CDH13: variants seen among roughly 807,000 people sequenced by gnomAD.
CDH13 encodes the protein cadherin 13, also known as cadherin-13.
A neutral mutation model predicts 63.8 loss-of-function variants in CDH13; 24 were observed. The ratio of observed to expected loss-of-function variants is 0.38; its 90% confidence interval spans 0.27 to 0.53. CDH13 has a LOEUF of 0.53. Among genes scored for constraint, CDH13 ranks in the 20% least tolerant of loss-of-function variants. The pLI, the probability that CDH13 is intolerant of heterozygous loss-of-function variation, is 0.85. For missense variants in CDH13, 1,049 were observed against 903.1 expected, an observed-to-expected ratio of 1.16 and a Z score of -2.07; for synonymous variants, 503 against 355.3, an observed-to-expected ratio of 1.42 and a Z score of -4.67.
chr16:82,794,514 A>C (rs2036485470), intron 1 of CDH13, among the ~76,000 whole-genome samples: 1 of 151,728 alleles, frequency 6.6e-6, no homozygotes. Flanking sequence ...GGAATAGCTG[A>C]TAAATAACAT....
At chr16:83,078,752 C>T (rs2033027794) in intron 3 of CDH13, among the ~76,000 whole-genome samples, 1 of 152,152 alleles carries the variant, frequency 6.6e-6, no homozygotes, top group Non-Finnish European at 1.5e-5. Flanking sequence ...CAAATTCTTC[C>T]AAGTGTTTAG....
chr16:83,444,647 C>T (rs1315717495), intron 6 of CDH13, among the ~76,000 whole-genome samples: 1 of 152,102 alleles, frequency 6.6e-6, no homozygotes, highest in Non-Finnish European at 1.5e-5. Context: ...CATGTCCCTC[C>T]GGTGATGCTG....
intron 4 of CDH13, among the ~76,000 whole-genome samples, chr16:83,162,916 C>T (rs1340482138): frequency 6.6e-6 from 1 of 152,088 alleles, no homozygotes; most frequent in African/African-American, 2.4e-5. Context: ...CCAAGTCTAG[C>T]ACACTCATTG....
At chr16:83,077,765 G>C (rs1037056946) in intron 3 of CDH13, among the ~76,000 whole-genome samples, 4 of 152,168 alleles carry the variant, frequency 2.6e-5, no homozygotes, top group African/African-American at 9.6e-5. Flanking sequence ...GACTCATATT[G>C]AGTGTTATCA....
At chr16:82,952,027 G>A (rs1396935158) in intron 2 of CDH13, among the ~76,000 whole-genome samples, 1 of 152,206 alleles carries the variant, frequency 6.6e-6, no homozygotes, top group African/African-American at 2.4e-5. Context: ...GGAACATTGT[G>A]TTGTGCTGGG....
At chr16:83,225,354 A>G (rs1246777142) in intron 5 of CDH13, among the ~76,000 whole-genome samples, 2 of 152,116 alleles carry the variant, frequency 1.3e-5, no homozygotes, top group East Asian at 3.9e-4. Flanking sequence ...AGCCCTCTCC[A>G]TCCAATTCCA....
intron 13 of CDH13, among the ~76,000 whole-genome samples, chr16:83,783,983 A>G (rs561308991): frequency 2.0e-5 from 3 of 152,362 alleles, no homozygotes; most frequent in Admixed American, 2.0e-4. Context: ...CTATAATATC[A>G]TGAAACATTG....
intron 5 of CDH13, among the ~76,000 whole-genome samples, chr16:83,285,032 C>A (rs566579296): frequency 6.6e-6 from 1 of 152,168 alleles, no homozygotes; most frequent in South Asian, 2.1e-4. Flanking sequence ...ACCTTTTCTG[C>A]ACCCAGTTAT....
At chr16:83,223,760 C>T (rs966462822) in intron 5 of CDH13, among the ~76,000 whole-genome samples, 4 of 152,208 alleles carry the variant, frequency 2.6e-5, no homozygotes, top group African/African-American at 7.2e-5. Flanking sequence ...TTTTCCAGCT[C>T]CCTGGTACAG....
rs186225539 is a variant in CDH13, at chr16:83,014,168, G to T, written c.158-17842G>T. Among the ~76,000 whole-genome samples the T allele has an allele frequency of 3.2e-4, 48 of 151,962 alleles. 1 individual carries two copies. The East Asian group carries it at 4.8e-3, about 15-fold the overall frequency. ...CACAAAAAAAGGAAATAGAATTGCC[G>T]ATATTATAAAACAATCTCTAACCTT... On this transcript the variant is annotated intron_variant, in intron 2 of 13. Coordinates refer to ENST00000567109, the MANE Select transcript of CDH13 (RefSeq NM_001257.5).
chr16:83,171,042 A>G (rs980141518), intron 4 of CDH13, among the ~76,000 whole-genome samples: 4 of 152,072 alleles, frequency 2.6e-5, no homozygotes, highest in African/African-American at 9.7e-5. Flanking sequence ...ACATGGCTAT[A>G]AAGAAATACC....
chr16:83,231,938 G>C (rs1032430903), intron 5 of CDH13, among the ~76,000 whole-genome samples: 6 of 152,120 alleles, frequency 3.9e-5, no homozygotes, highest in Admixed American at 2.0e-4. Context: ...CATGAGATCA[G>C]GATGTTTATA....
Position 83,473,530 on chromosome 16 carries a change from G to A in CDH13, c.782-12947G>A, listed in dbSNP as rs552475546. Among the ~76,000 whole-genome samples the A allele has an allele frequency of 3.3e-5, 5 of 152,240 alleles. No individual in the cohort carries two copies. The East Asian group carries it at 5.8e-4, about 18-fold the overall frequency. ...TTCAGCCAGGTCACTTACCTAACAG[G>A]TGTGGTTCTGGAGTCATCGATCATC... On this transcript the variant is annotated intron_variant, in intron 6 of 13. Transcript: ENST00000567109.
At chr16:83,587,190 T>G (rs1906248633) in intron 7 of CDH13, among the ~76,000 whole-genome samples, 1 of 152,180 alleles carries the variant, frequency 6.6e-6, no homozygotes, top group Non-Finnish European at 1.5e-5. Context: ...AGATCACATC[T>G]GAATGGGAAC....
chr16:83,410,189 A>G (rs929017454), intron 6 of CDH13, among the ~76,000 whole-genome samples: 1 of 152,152 alleles, frequency 6.6e-6, no homozygotes, highest in Non-Finnish European at 1.5e-5. Context: ...CCAAGTTGTT[A>G]ATGGAATTCA....
chr16:83,248,463 T>C (rs978384585), intron 5 of CDH13, among the ~76,000 whole-genome samples: 5 of 152,154 alleles, frequency 3.3e-5, no homozygotes, highest in African/African-American at 1.2e-4. Flanking sequence ...CATTGTATCA[T>C]CATAAAAATT....
At chr16:83,507,788 A>G (rs4782807) in intron 7 of CDH13, among the ~76,000 whole-genome samples, 107,041 of 151,468 alleles carry the variant, frequency 0.71, 39,021 homozygotes, top group East Asian at 0.89. Context: ...TAATCCCAGC[A>G]CTCTGGAAGG....
intron 3 of CDH13, among the ~76,000 whole-genome samples, chr16:83,067,006 G>C (rs995131869): frequency 6.6e-6 from 1 of 152,178 alleles, no homozygotes; most frequent in Non-Finnish European, 1.5e-5. Flanking sequence ...GTACTGCAAA[G>C]TTGCCTCCAG....
chr16:82,735,722 CA>C (rs1567480479), intron 1 of CDH13, among the ~76,000 whole-genome samples: 1 of 152,202 alleles, frequency 6.6e-6, no homozygotes, highest in South Asian at 2.1e-4. Context: ...AGCGAGACCA[CA>C]ATGTTGCCAT....
Sources: gnomAD v4.1 joint callset for allele counts (sites outside exome capture counted in the v4.1 genomes callset) on GRCh38, gnomAD v4.1.1 for gene constraint, MANE v1.5 for transcripts, NCBI Gene and HGNC (gene_info 2026-07-23, HGNC 2026-07-21) for gene names.